Variants in FCSK observed in about 807,000 individuals in gnomAD.
FCSK encodes the protein L-fucose kinase.
FCSK carries 123 observed loss-of-function variants against 122.5 expected under a neutral mutation model. The ratio of observed to expected loss-of-function variants is 1.00; its 90% CI spans 0.87 to 1.17. FCSK has a LOEUF of 1.17. Ranked by LOEUF, FCSK falls within the 50% of genes most tolerant of loss-of-function variation. FCSK has a pLI of 0.00. For synonymous variants in FCSK, 620 were observed against 625.5 expected (o/e 0.99, Z 0.13); for missense variants, 1,366 against 1,450.4 (o/e 0.94, Z 0.95).
In FCSK at chr16:70,468,922, A is replaced by T; in HGVS notation, c.737A>T (p.Asp246Val). Residue 246 changes from aspartate (D) to valine (V), a missense_variant, in exon 9 of 24, where the codon GAT (aspartate) becomes GTT (valine). Coordinates refer to ENST00000288078, the MANE Select transcript of FCSK (RefSeq NM_145059.3). Reference protein sequence around the residue: ...LLATHVSPPLDACTYLGLDSG... With the variant: ...LLATHVSPPLVACTYLGLDSG... ...GCCACCCACGTGAGCCCGCCCCTGGATGCCTGCACCTACCTAGGCTTGGAC... is the reference window on the plus strand; with the variant it reads ...GCCACCCACGTGAGCCCGCCCCTGGTTGCCTGCACCTACCTAGGCTTGGAC... The T allele has an allele frequency of 6.2e-7, 1 of 1,613,834 alleles. No individual in the cohort carries two copies. Among genetic ancestry groups the T allele is most frequent in the South Asian group, 1.1e-5 (1 of 91,070 alleles).
intron 23 of FCSK, 21 bp downstream of exon 23, chr16:70,479,424 G>C: frequency 6.3e-7 from 1 of 1,599,970 alleles, no homozygotes; most frequent in East Asian, 2.2e-5. Context: ...GGCTGGGGTT[G>C]GTAAAGAGAC....
intron 3 of FCSK, 72 bp downstream of exon 3, chr16:70,463,846 C>G: frequency 6.8e-7 from 1 of 1,469,304 alleles, no homozygotes; most frequent in Non-Finnish European, 9.2e-7. Flanking sequence ...AGATCCCCAG[C>G]TCCTCTGGCT....
chr16:70,475,730 C>G lies in FCSK; in HGVS notation c.2604C>G (p.Ile868Met). 6.2e-7 allele frequency: 1 copy of G among 1,602,230 alleles called. No individual in the cohort carries two copies. Among genetic ancestry groups the G allele is most frequent in the Admixed American group, 1.7e-5 (1 of 58,982 alleles). ...GGGTGGTGGGCACGGAAGCCCTGAT[C>G]CACGCAGTGCTGCACCTGGAGCAGG... ...AGRVVGTEAL[I>M]HAVLHLEQVL... is the part of the protein sequence containing the mutation. Residue 868 changes from isoleucine to methionine, a missense_variant, in exon 20 of 24, where the codon ATC becomes ATG. Physicochemically the swap from Ile to Met is conservative, Grantham distance 10. Transcript: ENST00000288078.
chr16:70,478,141 C>G (rs2048872252), intron 20 of FCSK, 131 bp from the exon 21 acceptor site: 2 of 803,362 alleles, frequency 2.5e-6, no homozygotes, highest in Non-Finnish European at 3.9e-6. Context: ...GCATAGCTCA[C>G]TGTCCTGTGG....
chr16:70,468,079 A>G, intron 8 of FCSK, 113 bp downstream of exon 8: 1 of 807,514 alleles, frequency 1.2e-6, no homozygotes, highest in South Asian at 1.5e-5. Context: ...TAGAGCTAGA[A>G]TCTGAGGACA....
In FCSK at chr16:70,468,361, G is replaced by C. The variant is rs183113776; in HGVS notation, c.663+395G>C. ...CTTGAACCCAGGAGGCGGAGGTTGC[G>C]GTGAGCAGAGATCGTGCCACTGCAC... On this transcript the variant is annotated intron_variant, in intron 8 of 23. Coordinates refer to ENST00000288078, the MANE Select transcript of FCSK (RefSeq NM_145059.3). Among the ~76,000 whole-genome samples, 1,015 of 152,272 alleles carry C rather than the reference G, an allele frequency of 6.7e-3. 3 individuals are homozygous for C. Among genetic ancestry groups the C allele is most frequent in the Middle Eastern group, 0.014 (4 of 294 alleles).
chr16:70,465,083 T>A (rs780785958), intron 3 of FCSK, 43 bp from the exon 4 acceptor site: 50 of 1,610,862 alleles, frequency 3.1e-5, no homozygotes, highest in Non-Finnish European at 4.1e-5. Context: ...CTCCAGGGCG[T>A]CTGCCTGAGG....
chr16:70,463,760 C>T lies in FCSK; in HGVS notation c.220C>T (p.Arg74Trp), dbSNP rs533929498. 18 of 1,610,222 alleles carry T rather than the reference C, an allele frequency of 1.1e-5. No homozygotes were observed. Among genetic ancestry groups the T allele is most frequent in the African/African-American group, 5.3e-5 (4 of 74,904 alleles). ...GGTGGCTGCTGAACACCTGAGTGCC[C>T]GGGCAGGCTTCACTGTGAGTGCTCA... ...LLVAAEHLSA[R>W]AGFTVVTSDV... The change falls in exon 3 of 24, where the codon CGG becomes TGG. Residue 74 changes from arginine to tryptophan, a missense_variant. Arg to Trp is a moderately radical substitution (Grantham distance 101). Coordinates refer to ENST00000288078, the MANE Select transcript of FCSK (RefSeq NM_145059.3).
chr16:70,479,256 C>CCTGA lies in FCSK; in HGVS notation c.3010_3013dup (p.Val1005AspfsTer59). On this transcript the variant is annotated frameshift_variant, in exon 23 of 24. Transcript: ENST00000288078. LOFTEE classifies it high-confidence loss of function. ...AGCTCATGGCTCCAGGCTGTGAGCC[C>CCTGA]CTGACTGTGCGGCGTATGATGGATG... 6.2e-7 allele frequency: 1 copy of CCTGA among 1,613,914 alleles called. No individual in the cohort carries two copies. Among genetic ancestry groups the CCTGA allele is most frequent in the Non-Finnish European group, 8.5e-7 (1 of 1,180,034 alleles).
Position 70,467,368 on chromosome 16 carries a change from C to T in FCSK, c.485-6C>T. 2 of 1,601,882 alleles carry T rather than the reference C, an allele frequency of 1.2e-6. No homozygotes were observed. The highest frequency in any genetic ancestry group is 1.3e-5 in the African/African-American group (1 of 74,682). ...CTGGGAGCCTCCTGACTGCCCCACCCCACAGGTATCAGCTGGGACAGCTTC... is the reference window on the plus strand; with the variant it reads ...CTGGGAGCCTCCTGACTGCCCCACCTCACAGGTATCAGCTGGGACAGCTTC... On this transcript the variant is annotated splice_polypyrimidine_tract_variant and splice_region_variant and intron_variant, in intron 6 of 23. Transcript: ENST00000288078.
intron 3 of FCSK, 109 bp from the exon 4 acceptor site, chr16:70,465,017 T>C: frequency 6.4e-7 from 1 of 1,560,932 alleles, no homozygotes; most frequent in South Asian, 1.2e-5. Context: ...CTTTTGTCCC[T>C]TGGGTACCTG....
intron 6 of FCSK, 96 bp downstream of exon 6, chr16:70,467,050 C>G (rs773680426): frequency 1.7e-6 from 2 of 1,151,152 alleles, no homozygotes; most frequent in Admixed American, 1.8e-5. Flanking sequence ...TGGGCCTGCC[C>G]CGCTGCCCTA....
chr16:70,454,782 C>T (rs1347429228), intron 1 of FCSK, 152 bp downstream of exon 1: 1 of 152,210 alleles, frequency 6.6e-6, no homozygotes, highest in Non-Finnish European at 1.5e-5. Context: ...CCCGGGAGCT[C>T]TGCGGTGCCC....
chr16:70,472,696 G>T (rs1341080641), intron 14 of FCSK, 91 bp downstream of exon 14: 2 of 1,085,498 alleles, frequency 1.8e-6, no homozygotes, highest in African/African-American at 1.6e-5. Context: ...CCCCAGAGCA[G>T]CACGGGCCGT....
chr16:70,479,699 AC>A lies in FCSK; in HGVS notation c.*20del. On this transcript the variant is annotated 3_prime_UTR_variant, in exon 24 of 24. Transcript: ENST00000288078. ...CCCATGAAGCTGGCTTCTCTCTGCA[AC>A]AGGAGAAAACCTGGAGCTACAGTGT... 1 of 1,599,288 alleles carries A rather than the reference AC, an allele frequency of 6.3e-7. No homozygotes were observed.
rs943337225 is a variant in FCSK, at chr16:70,473,784, C to T, written c.1778-345C>T. On this transcript the variant is annotated intron_variant, in intron 15 of 23. Coordinates refer to ENST00000288078, the MANE Select transcript of FCSK (RefSeq NM_145059.3). This position sits in a 1 kb window ranked among gnomAD's most constrained non-coding sequence, Gnocchi z 4.9. ...GAACCTCATGGAAGGTCCCAGGGACCGTGGACATGAATGGTATTGAAGCCA... is the reference window on the plus strand; with the variant it reads ...GAACCTCATGGAAGGTCCCAGGGACTGTGGACATGAATGGTATTGAAGCCA... Among the ~76,000 whole-genome samples the T allele has an allele frequency of 3.9e-5, 6 of 152,142 alleles. No individual in the cohort carries two copies. Among genetic ancestry groups the T allele is most frequent in the African/African-American group, 7.2e-5 (3 of 41,430 alleles).
intron 10 of FCSK, 106 bp downstream of exon 10, chr16:70,469,429 C>G (rs1287337712): frequency 9.3e-7 from 1 of 1,077,460 alleles, no homozygotes; most frequent in Non-Finnish European, 1.3e-6. Context: ...AGCACAGGGA[C>G]TGGGCAGTTC....
Position 70,463,188 on chromosome 16 carries a change from A to C in FCSK, c.-3A>C. ...TCTCAGGAAGCCCCTCCGCTTGGCC[A>C]GAATGGAGCAGCCGAAGGGAGTTGA... is the stretch of plus-strand genomic sequence containing the variant. On this transcript the variant is annotated 5_prime_UTR_variant, in exon 2 of 24. Transcript: ENST00000288078. The C allele has an allele frequency of 6.2e-7, 1 of 1,613,890 alleles. No homozygotes were observed. The highest frequency in any genetic ancestry group is 8.5e-7 in the Non-Finnish European group (1 of 1,179,792).
Position 70,473,143 on chromosome 16 carries a change from C to A in FCSK, c.1567C>A (p.Arg523=). The change falls in exon 15 of 24, where the codon CGG becomes AGG. Residue 523 remains arginine, a synonymous_variant. Transcript: ENST00000288078. This position sits in a 1 kb window ranked among gnomAD's most constrained non-coding sequence, Gnocchi z 4.9. ...TGGGGGCGAGGCCCTGCGAGCCTGG[C>A]GGGCCTCCTGGCGCCTGTCCTGGGA... ...EDGGEALRAW[R]ASWRLSWEQL... The A allele has an allele frequency of 6.4e-7, 1 of 1,557,754 alleles. No homozygotes were observed. Among genetic ancestry groups the A allele is most frequent in the South Asian group, 1.2e-5 (1 of 85,072 alleles).
Sources: allele counts gnomAD v4.1 joint callset (sites outside exome capture counted in the v4.1 genomes callset), GRCh38; gene constraint gnomAD v4.1.1; non-coding constraint Gnocchi (gnomAD v3.1); transcripts MANE v1.5; gene names NCBI Gene and HGNC (gene_info 2026-07-23, HGNC 2026-07-21).